Variants in KIAA1217 observed in about 807,000 individuals in gnomAD.
KIAA1217 encodes KIAA1217, also known as sickle tail protein homolog.
Under a neutral mutation model 163.9 loss-of-function variants are expected in KIAA1217, and 88 were observed. The observed-to-expected ratio is 0.54, with a 90% CI of 0.45 to 0.64. The LOEUF is 0.64. KIAA1217 is among the 30% of genes least tolerant of loss of function. The probability of loss-of-function intolerance (pLI) is 0.00; values close to 1 mark genes in which losing one functional copy is unlikely to be tolerated. For synonymous variants in KIAA1217, 903 were observed against 923.1 expected, an observed-to-expected ratio of 0.98 and a Z score of 0.39; for missense variants, 2,372 against 2,475.0, an observed-to-expected ratio of 0.96 and a Z score of 0.88.
At chr10:24,116,409 G>A (rs6482367) in intron 2 of KIAA1217, among the ~76,000 whole-genome samples, 152,185 of 152,186 alleles carry the variant, frequency 1, 76,092 homozygotes, top group Non-Finnish European at 1. Context: ...AGTCTCTGTC[G>A]TAAGCGTGCA....
intron 1 of KIAA1217, among the ~76,000 whole-genome samples, chr10:23,936,543 GAC>G (rs1426373323): frequency 2.0e-5 from 3 of 152,156 alleles, no homozygotes; most frequent in African/African-American, 7.2e-5. Context: ...CAGACACAAA[GAC>G]ACAGAGGATA....
chr10:24,525,768 C>T (rs1045476890), intron 13 of KIAA1217, among the ~76,000 whole-genome samples: 2 of 152,124 alleles, frequency 1.3e-5, no homozygotes, highest in African/African-American at 4.8e-5. Context: ...GCGGGTCGAT[C>T]ACTGGAACAT....
intron 1 of KIAA1217, among the ~76,000 whole-genome samples, chr10:23,877,962 C>A (rs975629720): frequency 6.6e-6 from 1 of 151,902 alleles, no homozygotes; most frequent in Non-Finnish European, 1.5e-5. Context: ...ACCACAGAAT[C>A]AGGATTGCCC....
rs745998898 is a variant in KIAA1217 at position 24,521,936 on chromosome 10, G to A, written c.2456+7G>A. The A allele has an allele frequency of 1.7e-5, 27 of 1,600,790 alleles. No individual in the cohort carries two copies. Among genetic ancestry groups the A allele is most frequent in the African/African-American group, 6.7e-5 (5 of 74,708 alleles). On this transcript the variant is annotated splice_region_variant and intron_variant, in intron 12 of 20. Transcript: ENST00000376454. The stretch of plus-strand genomic sequence containing the variant: ...TCCTGACCATGCTGCGGAGGTGACC[G>A]GGCCCTCATCGTGCTGGGGGTGGCC...
At chr10:24,139,277 A>G (rs1263481732) in intron 2 of KIAA1217, among the ~76,000 whole-genome samples, 1 of 152,158 alleles carries the variant, frequency 6.6e-6, no homozygotes, top group African/African-American at 2.4e-5. Flanking sequence ...ATGCTATAAC[A>G]TATAATTATA....
intron 2 of KIAA1217, among the ~76,000 whole-genome samples, chr10:24,310,857 T>C (rs1378254400): frequency 1.3e-5 from 2 of 152,062 alleles, no homozygotes; most frequent in Non-Finnish European, 2.9e-5. Flanking sequence ...ATTAGCCAAG[T>C]GTGGTGGTGC....
chr10:24,488,547 T>G (rs1330401078), intron 6 of KIAA1217, among the ~76,000 whole-genome samples: 1 of 152,200 alleles, frequency 6.6e-6, no homozygotes, highest in Non-Finnish European at 1.5e-5. Context: ...CAATGAGAAG[T>G]TAAATGTATT....
At chr10:24,301,451 A>T (rs2041320999) in intron 2 of KIAA1217, among the ~76,000 whole-genome samples, 1 of 152,196 alleles carries the variant, frequency 6.6e-6, no homozygotes, top group South Asian at 2.1e-4. Flanking sequence ...TGGAAAACTG[A>T]AATTTAATTG....
chr10:24,359,066 TTTTC>T (rs1163197097), intron 2 of KIAA1217, among the ~76,000 whole-genome samples: 14 of 118,322 alleles, frequency 1.2e-4, no homozygotes, highest in East Asian at 4.4e-4. Context: ...TTTTCTTTTC[TTTTC>T]TTTCTTTCTT....
intron 5 of KIAA1217, among the ~76,000 whole-genome samples, chr10:24,439,677 A>G (rs1299628668): frequency 6.7e-6 from 1 of 148,756 alleles, no homozygotes; most frequent in Non-Finnish European, 1.5e-5. Flanking sequence ...CCCAACTTCT[A>G]GAGGTCATCA....
At chr10:23,851,967 T>G (rs1021613998) in intron 1 of KIAA1217, among the ~76,000 whole-genome samples, 2 of 152,152 alleles carry the variant, frequency 1.3e-5, no homozygotes, top group Non-Finnish European at 2.9e-5. Context: ...GTGGGTTGCC[T>G]GTTCACTCCG....
intron 3 of KIAA1217, among the ~76,000 whole-genome samples, chr10:24,421,213 T>C (rs906484491): frequency 3.3e-5 from 5 of 151,894 alleles, no homozygotes; most frequent in Admixed American, 6.6e-5. Context: ...ACCATGTTGG[T>C]CAGGCTGGTC....
At chr10:23,696,732 C>G (rs1399278251) in intron 1 of KIAA1217, among the ~76,000 whole-genome samples, 1 of 152,194 alleles carries the variant, frequency 6.6e-6, no homozygotes, top group Non-Finnish European at 1.5e-5. Context: ...CACAATGACT[C>G]ACACTCGCAG....
At chr10:23,953,471 C>T (rs1162467495) in intron 1 of KIAA1217, among the ~76,000 whole-genome samples, 1 of 152,116 alleles carries the variant, frequency 6.6e-6, no homozygotes, top group African/African-American at 2.4e-5. Flanking sequence ...GCTATGATTG[C>T]CATCTATGTT....
At chr10:23,952,151 A>G (rs1184260957) in intron 1 of KIAA1217, among the ~76,000 whole-genome samples, 2 of 152,208 alleles carry the variant, frequency 1.3e-5, no homozygotes, top group Non-Finnish European at 2.9e-5. Context: ...GACTAACTCT[A>G]ATGGAAGATT....
intron 2 of KIAA1217, among the ~76,000 whole-genome samples, chr10:24,195,458 G>A (rs1456989521): frequency 1.3e-5 from 2 of 152,282 alleles, no homozygotes; most frequent in Non-Finnish European, 2.9e-5. Context: ...TTTTGTGGAC[G>A]AGGCAGCCAT....
At chr10:24,085,394 C>T (rs2061664649) in intron 2 of KIAA1217, among the ~76,000 whole-genome samples, 1 of 152,086 alleles carries the variant, frequency 6.6e-6, no homozygotes, top group Non-Finnish European at 1.5e-5. Flanking sequence ...CCAGAGGAAA[C>T]GAATAAACTG....
At position 24,319,833 on chromosome 10, in the gene KIAA1217, C is replaced by T. The variant is rs139219146; in HGVS notation, c.355-61036C>T. Among the ~76,000 whole-genome samples the T allele has an allele frequency of 2.8e-3, 427 of 152,308 alleles. 4 individuals are homozygous for T. The highest frequency in any genetic ancestry group is 9.9e-3 in the African/African-American group (411 of 41,572). ...CCAGCATTAAATCCACAAGTCTTTGCCAAAGCACTTTAAGCCTCTTGACAT... is the reference window on the plus strand; with the variant it reads ...CCAGCATTAAATCCACAAGTCTTTGTCAAAGCACTTTAAGCCTCTTGACAT... On this transcript the variant is annotated intron_variant, in intron 2 of 20. Coordinates refer to ENST00000376454, the MANE Select transcript of KIAA1217 (RefSeq NM_019590.5).
At chr10:24,350,945 T>C (rs2048380851) in intron 2 of KIAA1217, among the ~76,000 whole-genome samples, 1 of 144,680 alleles carries the variant, frequency 6.9e-6, no homozygotes, top group Non-Finnish European at 1.5e-5. Context: ...ATTATGCATC[T>C]TTTTTTTTTA....
Sources: allele counts gnomAD v4.1 joint callset (sites outside exome capture counted in the v4.1 genomes callset), GRCh38; gene constraint gnomAD v4.1.1; transcripts MANE v1.5; gene names NCBI Gene and HGNC (gene_info 2026-07-23, HGNC 2026-07-21).